The following KCND2 variants were observed in gnomAD, a reference collection of about 807,000 sequenced individuals.
KCND2 encodes potassium voltage-gated channel subfamily D member 2.
Under a neutral mutation model 54.4 loss-of-function variants are expected in KCND2, and 16 were observed. That is an observed-to-expected ratio of 0.29 (90% confidence interval 0.20 to 0.45). KCND2 has a LOEUF of 0.45. Among genes scored for constraint, KCND2 ranks in the 20% least tolerant of loss-of-function variants. The pLI is 1.00. For synonymous variants in KCND2, 317 were observed against 310.7 expected, an observed-to-expected ratio of 1.02 and a Z score of -0.21; for missense variants, 486 against 824.2, an observed-to-expected ratio of 0.59 and a Z score of 5.02.
chr7:120,624,445 C>G (rs2116505589), intron 1 of KCND2, among the ~76,000 whole-genome samples: 1 of 152,054 alleles, frequency 6.6e-6, no homozygotes, highest in East Asian at 1.9e-4. Flanking sequence ...ATTTTTGTAT[C>G]CAATAATATT....
At chr7:120,736,508 G>T (rs1296783529) in intron 2 of KCND2, among the ~76,000 whole-genome samples, 1 of 152,002 alleles carries the variant, frequency 6.6e-6, no homozygotes, top group African/African-American at 2.4e-5. Flanking sequence ...TTAATGCAAT[G>T]ACAAGTGGCA....
At position 120,466,069 on chromosome 7, in the gene KCND2, T is replaced by G. The variant is rs142176438; in HGVS notation, c.1115+190322T>G. 5.1e-3 allele frequency among the ~76,000 whole-genome samples: 777 copies of G among 152,332 alleles called. 6 individuals carry two copies. Among genetic ancestry groups the G allele is most frequent in the African/African-American group, 0.018 (734 of 41,586 alleles). On this transcript the variant is annotated intron_variant, in intron 1 of 5. Transcript: ENST00000331113. ...AATGCATTATAAGATGTTTAACAGC[T>G]ATCTCTGAGCCCTACCCTCTAGATG... is the stretch of plus-strand genomic sequence containing the variant.
intron 1 of KCND2, among the ~76,000 whole-genome samples, chr7:120,331,493 G>A (rs1319651638): frequency 2.0e-5 from 3 of 151,582 alleles, no homozygotes; most frequent in African/African-American, 7.3e-5. Context: ...TACAAAAAAA[G>A]GAAAAAAGAC....
chr7:120,330,092 G>T (rs1453130957), intron 1 of KCND2, among the ~76,000 whole-genome samples: 1 of 152,066 alleles, frequency 6.6e-6, no homozygotes, highest in East Asian at 1.9e-4. Flanking sequence ...CCAATGTCTA[G>T]ATTGACACTA....
intron 1 of KCND2, among the ~76,000 whole-genome samples, chr7:120,353,676 G>T (rs1164811240): frequency 6.6e-6 from 1 of 152,054 alleles, no homozygotes; most frequent in Non-Finnish European, 1.5e-5. Flanking sequence ...CTCAAGAAAG[G>T]GCACAGGAAT....
chr7:120,297,469 G>A (rs909950483), intron 1 of KCND2, among the ~76,000 whole-genome samples: 2 of 152,020 alleles, frequency 1.3e-5, no homozygotes, highest in Non-Finnish European at 2.9e-5. Flanking sequence ...TGAACACTTA[G>A]GTTGATTTCA....
intron 1 of KCND2, among the ~76,000 whole-genome samples, chr7:120,633,583 A>T (rs1793265401): frequency 6.6e-6 from 1 of 151,988 alleles, no homozygotes; most frequent in Non-Finnish European, 1.5e-5. Flanking sequence ...ATCTTATATA[A>T]CTCTCCCCCC....
At chr7:120,581,738 A>G (rs1353375385) in intron 1 of KCND2, among the ~76,000 whole-genome samples, 1 of 151,092 alleles carries the variant, frequency 6.6e-6, no homozygotes, top group African/African-American at 2.4e-5. Context: ...TTTTTGATGG[A>G]GTCTTCCTCG....
intron 1 of KCND2, among the ~76,000 whole-genome samples, chr7:120,498,239 T>C (rs779078961): frequency 6.6e-6 from 1 of 152,122 alleles, no homozygotes; most frequent in Non-Finnish European, 1.5e-5. Flanking sequence ...CCCAGCACTT[T>C]GGGAGGCCGA....
intron 1 of KCND2, among the ~76,000 whole-genome samples, chr7:120,392,941 A>G (rs1801099744): frequency 6.6e-6 from 1 of 152,030 alleles, no homozygotes; most frequent in African/African-American, 2.4e-5. Flanking sequence ...TATATTTAAA[A>G]CAATACATGT....
chr7:120,316,852 T>G (rs997551369), intron 1 of KCND2, among the ~76,000 whole-genome samples: 9 of 152,076 alleles, frequency 5.9e-5, no homozygotes, highest in African/African-American at 2.2e-4. Context: ...TTTTTTTTTT[T>G]TTGGGACGAG....
intron 1 of KCND2, among the ~76,000 whole-genome samples, chr7:120,682,750 G>A (rs944857554): frequency 7.2e-5 from 11 of 152,092 alleles, no homozygotes; most frequent in East Asian, 1.9e-4. Flanking sequence ...CACAATAGCC[G>A]GTTAAAAGTA....
intron 1 of KCND2, among the ~76,000 whole-genome samples, chr7:120,649,312 T>C (rs1791695145): frequency 6.6e-6 from 1 of 152,098 alleles, no homozygotes; most frequent in South Asian, 2.1e-4. Context: ...TTTTGTACTA[T>C]GGCTAGAGTT....
chr7:120,587,931 A>G (rs1177909719), intron 1 of KCND2, among the ~76,000 whole-genome samples: 1 of 152,166 alleles, frequency 6.6e-6, no homozygotes, highest in Non-Finnish European at 1.5e-5. Context: ...TCTGGAACCT[A>G]TGTTTAGAAT....
At chr7:120,727,341 A>G (rs1024663245) in intron 1 of KCND2, among the ~76,000 whole-genome samples, 2 of 152,338 alleles carry the variant, frequency 1.3e-5, no homozygotes, top group South Asian at 2.1e-4. Context: ...TTGGTTTACA[A>G]TGAATTATGT....
intron 1 of KCND2, among the ~76,000 whole-genome samples, chr7:120,696,932 T>C (rs946263469): frequency 5.9e-5 from 9 of 152,248 alleles, no homozygotes; most frequent in African/African-American, 2.2e-4. Context: ...AAAATGCTTC[T>C]AGATCATCAA....
At chr7:120,732,175 C>T (rs536249232) in intron 1 of KCND2, among the ~76,000 whole-genome samples, 26 of 151,550 alleles carry the variant, frequency 1.7e-4, no homozygotes, top group Admixed American at 5.3e-4. Flanking sequence ...GATAAGAGGA[C>T]GGAAGACTGA....
rs1793399628 is a variant in KCND2, at chr7:120,643,258, A to T, written c.1116-89645A>T. On this transcript the variant is annotated intron_variant, in intron 1 of 5. Coordinates refer to ENST00000331113, the MANE Select transcript of KCND2 (RefSeq NM_012281.3). ...TTTTAATCTCATGAATGACATTAACATAATAAGAAAAAATGTAATAATAGC... is the reference window on the plus strand; with the variant it reads ...TTTTAATCTCATGAATGACATTAACTTAATAAGAAAAAATGTAATAATAGC... 2.6e-5 allele frequency among the ~76,000 whole-genome samples: 4 copies of T among 152,330 alleles called. No homozygotes were observed. In the South Asian group the frequency reaches 8.3e-4, roughly 32 times the overall value.
intron 1 of KCND2, among the ~76,000 whole-genome samples, chr7:120,581,651 A>G (rs1792516806): frequency 6.6e-6 from 1 of 152,206 alleles, no homozygotes. Context: ...TTATGTTCAA[A>G]TAAAGATTAG....
Sources: gnomAD v4.1 joint callset for allele counts (sites outside exome capture counted in the v4.1 genomes callset) on GRCh38, gnomAD v4.1.1 for gene constraint, MANE v1.5 for transcripts, NCBI Gene and HGNC (gene_info 2026-07-23, HGNC 2026-07-21) for gene names.